Variants in FAM83B observed in about 807,000 individuals in gnomAD.
The protein encoded by FAM83B is scaffolding CK1 anchoring protein B.
Under a neutral mutation model 38.8 loss-of-function variants are expected in FAM83B, and 26 were observed. The observed-to-expected ratio is 0.67, with a 90% CI of 0.49 to 0.93. The LOEUF (loss-of-function observed/expected upper bound fraction) is 0.93, where lower values mean the gene tolerates loss of function less well. Among genes scored for constraint, FAM83B ranks in the 40% least tolerant of loss-of-function variants. FAM83B has a pLI of 0.00. For missense variants in FAM83B, 1,237 were observed against 1,197.3 expected, an observed-to-expected ratio of 1.03 and a Z score of -0.49; for synonymous variants, 419 against 423.1, an observed-to-expected ratio of 0.99 and a Z score of 0.12.
At chr6:54,863,098 C>T (rs982126244) in intron 1 of FAM83B, among the ~76,000 whole-genome samples, 7 of 151,962 alleles carry the variant, frequency 4.6e-5, no homozygotes, top group Non-Finnish European at 8.8e-5. Flanking sequence ...ATCTTTTGAG[C>T]GGGCAAAACA....
chr6:54,850,480 T>A (rs1386267657), intron 1 of FAM83B, among the ~76,000 whole-genome samples: 1 of 152,212 alleles, frequency 6.6e-6, no homozygotes. Context: ...TCAAAAGGTT[T>A]TCGTTCTTTA....
At chr6:54,926,641 A>G (rs112174455) in intron 3 of FAM83B, 106 bp downstream of exon 3, 3 of 807,994 alleles carry the variant, frequency 3.7e-6, no homozygotes, top group African/African-American at 3.4e-5. Context: ...AAAAACAAAA[A>G]AAAATACGTA....
Position 54,870,655 on chromosome 6 carries a change from G to T in FAM83B, c.409G>T (p.Glu137Ter), listed in dbSNP as rs913829526. Residue 137 changes from glutamate (E) to a stop codon, truncating the protein, a stop_gained, in exon 2 of 5, where the codon GAA becomes TAA. Transcript: ENST00000306858. LOFTEE classifies it high-confidence loss of function. ...AAGAGCACATCTACTTACGATAAAA[G>T]AAACTATTCGGAAGATGATAAAAGA... The part of the protein sequence containing the change: ...PPRAHLLTIK[E>*]TIRKMIKEAR... 6.2e-7 allele frequency: 1 copy of T among 1,607,478 alleles called. No homozygotes were observed. The highest frequency in any genetic ancestry group is 8.5e-7 in the Non-Finnish European group (1 of 1,177,400).
chr6:54,930,510 C>T (rs1398175076), intron 4 of FAM83B, among the ~76,000 whole-genome samples: 2 of 151,980 alleles, frequency 1.3e-5, no homozygotes, highest in African/African-American at 4.8e-5. Flanking sequence ...ATTTTTCTCC[C>T]AAGATTGCTC....
chr6:54,848,810 TA>T (rs796149932), intron 1 of FAM83B, among the ~76,000 whole-genome samples: 12 of 152,330 alleles, frequency 7.9e-5, no homozygotes, highest in African/African-American at 2.9e-4. Flanking sequence ...ACTCTTCTAA[TA>T]CATAAATCTG....
intron 2 of FAM83B, among the ~76,000 whole-genome samples, chr6:54,889,519 C>T (rs1453113563): frequency 6.6e-6 from 1 of 152,168 alleles, no homozygotes; most frequent in Non-Finnish European, 1.5e-5. Context: ...CATGAATAGG[C>T]CTTTATATAA....
chr6:54,925,685 A>T (rs376894), intron 2 of FAM83B, among the ~76,000 whole-genome samples: 2 of 152,032 alleles, frequency 1.3e-5, no homozygotes, highest in Admixed American at 1.3e-4. Flanking sequence ...TCAACCAAAC[A>T]TGTATAAAAT....
chr6:54,847,907 T>C (rs575059779), intron 1 of FAM83B, among the ~76,000 whole-genome samples: 17 of 152,114 alleles, frequency 1.1e-4, no homozygotes, highest in Non-Finnish European at 1.9e-4. Context: ...ACAGCTTATG[T>C]CCAAATTCCC....
chr6:54,914,243 A>T (rs920023122), intron 2 of FAM83B, among the ~76,000 whole-genome samples: 7 of 152,196 alleles, frequency 4.6e-5, no homozygotes, highest in African/African-American at 1.7e-4. Context: ...ACTAGAATTT[A>T]TTCATGAATT....
chr6:54,926,525 A>G lies in FAM83B; in HGVS notation c.599A>G (p.Gln200Arg). 6.3e-7 allele frequency: 1 copy of G among 1,578,000 alleles called. No homozygotes were observed. The highest frequency in any genetic ancestry group is 8.6e-7 in the Non-Finnish European group (1 of 1,161,408). Residue 200 changes from glutamine (Q) to arginine (R), a missense_variant, in exon 3 of 5, where the codon CAG (glutamine) becomes CGG (arginine). Gln to Arg is a conservative substitution (Grantham distance 43). Transcript: ENST00000306858. ...ACTGAGAAACAAGGTTGTTCAGTTC[A>G]GCGTCTCAGGGTAAGAATTCTGTTT... ...NMTEKQGCSV[Q>R]RLRNIRVRTV...
At chr6:54,849,254 A>T (rs79103352) in intron 1 of FAM83B, among the ~76,000 whole-genome samples, 7,887 of 152,304 alleles carry the variant, frequency 0.052, 237 homozygotes, top group Middle Eastern at 0.082. Context: ...TAGAGCCTTC[A>T]GTGGGAGCTT....
intron 2 of FAM83B, among the ~76,000 whole-genome samples, chr6:54,891,688 C>CCT (rs1221527141): frequency 6.6e-6 from 1 of 152,116 alleles, no homozygotes; most frequent in Non-Finnish European, 1.5e-5. Flanking sequence ...TTTTTCTCAT[C>CCT]CTCTCTCTCT....
intron 2 of FAM83B, among the ~76,000 whole-genome samples, chr6:54,909,915 C>T (rs561197123): frequency 6.6e-6 from 1 of 152,218 alleles, no homozygotes; most frequent in African/African-American, 2.4e-5. Context: ...ACGACATGAG[C>T]ATGATATTGG....
chr6:54,910,027 G>A (rs1013231013), intron 2 of FAM83B, among the ~76,000 whole-genome samples: 3 of 152,094 alleles, frequency 2.0e-5, no homozygotes, highest in African/African-American at 7.2e-5. Flanking sequence ...TCATTGTAAA[G>A]AATTTATATA....
chr6:54,878,267 G>T (rs1363589231), intron 2 of FAM83B, among the ~76,000 whole-genome samples: 1 of 152,164 alleles, frequency 6.6e-6, no homozygotes, highest in Non-Finnish European at 1.5e-5. Context: ...TGATGTATCA[G>T]ATACTATTCT....
intron 2 of FAM83B, among the ~76,000 whole-genome samples, chr6:54,911,680 G>A (rs757610666): frequency 7.9e-5 from 12 of 151,622 alleles, no homozygotes; most frequent in Non-Finnish European, 1.3e-4. Context: ...TTTTTCCTTC[G>A]CTGTGACTAT....
At chr6:54,917,509 G>A (rs1178666091) in intron 2 of FAM83B, among the ~76,000 whole-genome samples, 1 of 151,930 alleles carries the variant, frequency 6.6e-6, no homozygotes, top group Non-Finnish European at 1.5e-5. Flanking sequence ...CTATATTCAT[G>A]ATTGGTGAAA....
chr6:54,936,813 T>A (rs1773533130), intron 4 of FAM83B, among the ~76,000 whole-genome samples: 1 of 151,544 alleles, frequency 6.6e-6, no homozygotes, highest in African/African-American at 2.4e-5. Context: ...AGTTCACTGT[T>A]CATTCCATTA....
chr6:54,922,079 C>A (rs918588569), intron 2 of FAM83B, among the ~76,000 whole-genome samples: 1 of 151,948 alleles, frequency 6.6e-6, no homozygotes, highest in African/African-American at 2.4e-5. Context: ...GCTGATCCAG[C>A]GTATTATTTT....
Sources: allele counts gnomAD v4.1 joint callset (sites outside exome capture counted in the v4.1 genomes callset), GRCh38; gene constraint gnomAD v4.1.1; transcripts MANE v1.5; gene names NCBI Gene and HGNC (gene_info 2026-07-23, HGNC 2026-07-21).